The following ODAD2 variants were observed in gnomAD, a reference collection of about 807,000 sequenced individuals.
ODAD2 encodes the protein outer dynein arm docking complex subunit 2.
A neutral mutation model predicts 106.8 loss-of-function variants in ODAD2; 89 were observed. The observed-to-expected ratio is 0.83, with a 90% CI of 0.70 to 0.99. ODAD2 has a LOEUF of 0.99. ODAD2 is among the 50% of genes least tolerant of loss of function. The pLI, the probability that ODAD2 is intolerant of heterozygous loss-of-function variation, is 0.00. For missense variants in ODAD2, 1,168 were observed against 1,238.5 expected (o/e 0.94, Z 0.85); for synonymous variants, 404 against 436.2 (o/e 0.93, Z 0.92).
chr10:27,975,586 G>A (rs1201335350), intron 7 of ODAD2, among the ~76,000 whole-genome samples: 1 of 152,134 alleles, frequency 6.6e-6, no homozygotes, highest in Non-Finnish European at 1.5e-5. Flanking sequence ...CCCTCAGGAA[G>A]AAACAGACAA....
At chr10:27,962,513 G>A (rs1396765780) in intron 9 of ODAD2, among the ~76,000 whole-genome samples, 1 of 152,146 alleles carries the variant, frequency 6.6e-6, no homozygotes, top group Non-Finnish European at 1.5e-5. Flanking sequence ...TGCCTACACT[G>A]AAGTACTTGC....
At chr10:27,882,264 A>C (rs1222567449) in intron 17 of ODAD2, among the ~76,000 whole-genome samples, 1 of 151,818 alleles carries the variant, frequency 6.6e-6, no homozygotes, top group Non-Finnish European at 1.5e-5. Context: ...CATTCTCAAT[A>C]AGATTTACTG....
At chr10:27,974,371 T>G (rs1588642276) in intron 7 of ODAD2, among the ~76,000 whole-genome samples, 1 of 152,238 alleles carries the variant, frequency 6.6e-6, no homozygotes, top group East Asian at 1.9e-4. Context: ...GTTTTACATT[T>G]AAGTCTTTTA....
At chr10:27,967,162 A>G (rs558940936) in intron 9 of ODAD2, among the ~76,000 whole-genome samples, 106 of 152,050 alleles carry the variant, frequency 7.0e-4, no homozygotes, top group African/African-American at 2.4e-3. Flanking sequence ...AATCAAGACC[A>G]CACATAACAG....
intron 19 of ODAD2, among the ~76,000 whole-genome samples, chr10:27,825,824 G>A (rs1486316598): frequency 1.3e-5 from 2 of 152,182 alleles, no homozygotes; most frequent in Non-Finnish European, 2.9e-5. Flanking sequence ...TTGAGCCAAT[G>A]TTTCCTACAC....
intron 16 of ODAD2, among the ~76,000 whole-genome samples, chr10:27,923,183 G>T (rs930271225): frequency 1.1e-4 from 17 of 152,216 alleles, no homozygotes; most frequent in African/African-American, 4.1e-4. Context: ...ATGTGAATGC[G>T]TTTAACTCAT....
Position 27,944,356 on chromosome 10 carries a change from A to C in ODAD2, c.1609T>G (p.Leu537Val). 1 of 1,614,096 alleles carries C rather than the reference A, an allele frequency of 6.2e-7. No individual in the cohort carries two copies. Among genetic ancestry groups the C allele is most frequent in the Non-Finnish European group, 8.5e-7 (1 of 1,179,960 alleles). The stretch of plus-strand genomic sequence containing the variant: ...TCAAGTATATTCACCATAATTGGTA[A>C]GCCCCCAAGGTCAACAATATTCTGT... ...IRQNIVDLGGLPIMVNILDSP... is the reference protein window; with the variant it reads ...IRQNIVDLGGVPIMVNILDSP... Residue 537 changes from leucine to valine, a missense_variant, in exon 12 of 20, where the codon TTA (leucine) becomes GTA (valine). Physicochemically the swap from Leu to Val is conservative, Grantham distance 32 (BLOSUM62 1). Around this residue, in one of 3 missense-constraint regions of ODAD2, gnomAD observed 701 missense variants for 712.3 expected, o/e 0.98. Coordinates refer to ENST00000305242, the MANE Select transcript of ODAD2 (RefSeq NM_018076.5).
At chr10:27,932,458 T>C (rs1389847474) in intron 16 of ODAD2, among the ~76,000 whole-genome samples, 1 of 152,194 alleles carries the variant, frequency 6.6e-6, no homozygotes, top group East Asian at 1.9e-4. Flanking sequence ...TATTAAGAAA[T>C]TAATAGTCAC....
rs780296977 is a variant in ODAD2 at position 27,940,848 on chromosome 10, A to C, written c.1744-43T>G. On this transcript the variant is annotated intron_variant, in intron 12 of 19. Transcript: ENST00000305242. ...TCCAATGTTCATGGAAATCTTAAAA[A>C]GAACATTTAAGGCATTCTTCAATAG... The C allele has an allele frequency of 3.8e-6, 6 of 1,582,172 alleles. No individual in the cohort carries two copies. The Admixed American group carries it at 1.0e-4, about 27-fold the overall frequency.
intron 2 of ODAD2, among the ~76,000 whole-genome samples, chr10:27,994,432 T>G (rs1036998063): frequency 3.0e-4 from 46 of 152,156 alleles, no homozygotes; most frequent in Non-Finnish European, 2.6e-4. Context: ...GAAATAAAAT[T>G]CAGAAGAATA....
chr10:27,860,174 G>A (rs1355175294), intron 19 of ODAD2, among the ~76,000 whole-genome samples: 2 of 152,148 alleles, frequency 1.3e-5, no homozygotes, highest in Admixed American at 1.3e-4. Flanking sequence ...CACACTGGCT[G>A]GGCATTGTGA....
intron 19 of ODAD2, among the ~76,000 whole-genome samples, chr10:27,856,700 A>T (rs12773965): frequency 0.56 from 85,813 of 151,982 alleles, 25,130 homozygotes; most frequent in Middle Eastern, 0.69. Flanking sequence ...TAGAAAACAC[A>T]CAAGAGATTT....
intron 9 of ODAD2, among the ~76,000 whole-genome samples, chr10:27,964,382 G>A (rs1283234403): frequency 6.6e-6 from 1 of 152,182 alleles, no homozygotes; most frequent in Non-Finnish European, 1.5e-5. Context: ...AATTGGGGAT[G>A]ATAATAGCAA....
intron 19 of ODAD2, among the ~76,000 whole-genome samples, chr10:27,841,957 A>G (rs547015083): frequency 2.6e-5 from 4 of 152,174 alleles, no homozygotes; most frequent in Non-Finnish European, 4.4e-5. Flanking sequence ...GGGTCTCCCT[A>G]TGTTGCCCAG....
At chr10:27,867,386 G>A (rs1385476235) in intron 17 of ODAD2, among the ~76,000 whole-genome samples, 1 of 152,154 alleles carries the variant, frequency 6.6e-6, no homozygotes, top group Non-Finnish European at 1.5e-5. Context: ...CCATGAATTG[G>A]TAAAACTACA....
intron 19 of ODAD2, among the ~76,000 whole-genome samples, chr10:27,831,341 C>T (rs1297667150): frequency 1.3e-5 from 2 of 152,032 alleles, no homozygotes; most frequent in African/African-American, 4.8e-5. Flanking sequence ...CCAAATCCAC[C>T]GTTATAGACC....
intron 7 of ODAD2, among the ~76,000 whole-genome samples, chr10:27,978,788 T>A (rs1849350225): frequency 6.6e-6 from 1 of 151,120 alleles, no homozygotes; most frequent in African/African-American, 2.4e-5. Context: ...CAAGACTCCA[T>A]CTCAAAAAAA....
chr10:27,841,073 A>G (rs1838271519), intron 19 of ODAD2, among the ~76,000 whole-genome samples: 1 of 152,204 alleles, frequency 6.6e-6, no homozygotes, highest in South Asian at 2.1e-4. Context: ...ACATTTTGTA[A>G]CATATATATG....
Position 27,839,270 on chromosome 10 carries a change from T to C in ODAD2, c.3021+21355A>G, listed in dbSNP as rs1838133935. Among the ~76,000 whole-genome samples the C allele has an allele frequency of 9.2e-5, 14 of 152,292 alleles. No homozygotes were observed. The South Asian group carries it at 2.9e-3, about 32-fold the overall frequency. ...TTCTGAAGATATATAAGTAACAATC[T>C]CTAAAAATATGACACGCGGCAGCAA... On this transcript the variant is annotated intron_variant, in intron 19 of 19. Transcript: ENST00000305242.
Sources: gnomAD v4.1 joint callset for allele counts (sites outside exome capture counted in the v4.1 genomes callset) on GRCh38, gnomAD v4.1.1 for gene constraint, gnomAD v4.1.1 regional missense constraint, MANE v1.5 for transcripts, NCBI Gene and HGNC (gene_info 2026-07-23, HGNC 2026-07-21) for gene names.